The following KIR2DL3 variants were observed in gnomAD, a reference collection of about 807,000 sequenced individuals.
KIR2DL3 encodes the protein killer cell immunoglobulin like receptor, two Ig domains and long cytoplasmic tail 3, also known as killer cell immunoglobulin-like receptor 2DL3.
A neutral mutation model predicts 33.8 loss-of-function variants in KIR2DL3; 39 were observed. The ratio of observed to expected loss-of-function variants is 1.15; its 90% CI spans 0.89 to 1.51. KIR2DL3 has a LOEUF of 1.51. Ranked by LOEUF, KIR2DL3 falls within the 40% of genes most tolerant of loss-of-function variation. KIR2DL3 has a pLI of 0.00. For missense variants in KIR2DL3, 462 were observed against 426.2 expected (o/e 1.08, Z -0.74); for synonymous variants, 174 against 160.2 (o/e 1.09, Z -0.65).
chr19:54,743,951 A>G lies in KIR2DL3; in HGVS notation c.527A>G (p.Lys176Arg). ...GAACGTAGGTTCTCTGCAGGGCCCA[A>G]GGTCAACGGAACATTCCAGGCCGAC... ...AHERRFSAGP[K>R]VNGTFQADFP... is the part of the protein sequence containing the mutation. Residue 176 changes from lysine (K) to arginine (R), a missense_variant, in exon 4 of 8, where the codon AAG (lysine) becomes AGG (arginine). Transcript: ENST00000342376. The G allele has an allele frequency of 6.2e-7, 1 of 1,614,064 alleles. No homozygotes were observed. Among genetic ancestry groups the G allele is most frequent in the East Asian group, 2.2e-5 (1 of 44,898 alleles).
Position 54,743,800 on chromosome 19 carries a change from T to C in KIR2DL3, c.376T>C (p.Tyr126His), listed in dbSNP as rs2071658947. The change falls in exon 4 of 8, where the codon TAT becomes CAT. Residue 126 changes from tyrosine to histidine, a missense_variant. Transcript: ENST00000342376. ...DPLDIVITGL[Y>H]EKPSLSAQPG... Reference sequence around the variant, plus strand: ...AAATGCCTCTTCTCCTCCAGGTCTATATGAGAAACCTTCTCTCTCAGCCCA... The same window carrying C: ...AAATGCCTCTTCTCCTCCAGGTCTACATGAGAAACCTTCTCTCTCAGCCCA... 2 of 1,602,184 alleles carry C rather than the reference T, an allele frequency of 1.2e-6. No homozygotes were observed. The highest frequency in any genetic ancestry group is 1.7e-5 in the Admixed American group (1 of 58,152).
At chr19:54,750,684 C>T (rs905480913) in intron 5 of KIR2DL3, among the ~76,000 whole-genome samples, 15 of 137,878 alleles carry the variant, frequency 1.1e-4, no homozygotes, top group Non-Finnish European at 2.1e-4. Context: ...ATTCCTATCA[C>T]TCACCGTCAC....
chr19:54,746,561 A>G (rs2072519039), intron 4 of KIR2DL3, among the ~76,000 whole-genome samples: 1 of 145,998 alleles, frequency 6.8e-6, no homozygotes, highest in African/African-American at 2.5e-5. Context: ...TTTTCATTTG[A>G]GTTTTGTGTA....
At chr19:54,744,895 T>C (rs1480315099) in intron 4 of KIR2DL3, among the ~76,000 whole-genome samples, 16 of 64,600 alleles carry the variant, frequency 2.5e-4, no homozygotes, top group African/African-American at 3.9e-4. Context: ...TATATATATA[T>C]ATACACACAC....
intron 5 of KIR2DL3, among the ~76,000 whole-genome samples, chr19:54,749,361 C>T (rs1449040064): frequency 1.4e-5 from 2 of 140,558 alleles, no homozygotes; most frequent in Non-Finnish European, 1.6e-5. Flanking sequence ...AAGGCAATTG[C>T]CACCCCACTG....
chr19:54,752,478 G>T lies in KIR2DL3; in HGVS notation c.985G>T (p.Asp329Tyr), dbSNP rs751418430. 2 of 1,465,710 alleles carry T rather than the reference G, an allele frequency of 1.4e-6. No homozygotes were observed. Among genetic ancestry groups the T allele is most frequent in the South Asian group, 1.3e-5 (1 of 76,302 alleles). The allele number at this position is 1,465,710 out of a possible 1,614,324, so 90.8% of individuals were successfully genotyped here. A position where few individuals can be genotyped will look rare whatever the true frequency, so the allele number is the denominator to read the frequency against. The change falls in exon 8 of 8, where the codon GAT (aspartate) becomes TAT (tyrosine). Residue 329 changes from aspartate (D) to tyrosine (Y), a missense_variant. Coordinates refer to ENST00000342376, the MANE Select transcript of KIR2DL3 (RefSeq NM_015868.3). ...TCAGAGGCCCAAGACACCCCCAACA[G>T]ATATCATCGTGTACACGGAACTTCC... is the stretch of plus-strand genomic sequence containing the variant. ...PSQRPKTPPT[D>Y]IIVYTELPNA... is the part of the protein sequence containing the mutation.
chr19:54,751,136 G>A lies in KIR2DL3; in HGVS notation c.716-513G>A, dbSNP rs1174763610. Among the ~76,000 whole-genome samples the A allele has an allele frequency of 1.5e-5, 2 of 132,116 alleles. 1 individual carries two copies. The allele number at this position is 132,116 out of a possible 152,430, so 86.7% of individuals were successfully genotyped here. A position where few individuals can be genotyped will look rare whatever the true frequency, so the allele number is the denominator to read the frequency against. ...AGCGTGGCACCAGCATCTATTTCTC[G>A]TGACGGCCTCAGGCTGCTCCCACTC... On this transcript the variant is annotated intron_variant, in intron 5 of 7. Transcript: ENST00000342376.
At chr19:54,746,657 C>A (rs1475543800) in intron 4 of KIR2DL3, among the ~76,000 whole-genome samples, 1 of 149,154 alleles carries the variant, frequency 6.7e-6, no homozygotes, top group Non-Finnish European at 1.5e-5. Flanking sequence ...ACTGTCCTTT[C>A]CTGATTGTGA....
At position 54,751,834 on chromosome 19, in the gene KIR2DL3, A is replaced by G; in HGVS notation, c.820+81A>G. ...GGGAGCACTCAGGTGTGTGTTCCTC[A>G]CAGACAGGATGGTCCCTGGCCCAAG... is the stretch of plus-strand genomic sequence containing the variant. On this transcript the variant is annotated intron_variant, in intron 6 of 7. Transcript: ENST00000342376. 2.5e-6 allele frequency: 3 copies of G among 1,179,880 alleles called. 1 individual carries two copies. The highest frequency in any genetic ancestry group is 3.6e-6 in the Non-Finnish European group (3 of 833,282). The allele number at this position is 1,179,880 out of a possible 1,614,324, so 73.1% of individuals were successfully genotyped here.
chr19:54,746,819 C>T (rs769854573), intron 4 of KIR2DL3, among the ~76,000 whole-genome samples: 4 of 148,084 alleles, frequency 2.7e-5, no homozygotes, highest in Non-Finnish European at 6.0e-5. Context: ...ATTGTCTCCA[C>T]TAAAAATATA....
At chr19:54,745,731 C>T (rs964560503) in intron 4 of KIR2DL3, among the ~76,000 whole-genome samples, 59 of 151,740 alleles carry the variant, frequency 3.9e-4, no homozygotes, top group African/African-American at 1.4e-3. Flanking sequence ...ACACTCCTAC[C>T]AACAGGGTAT....
At position 54,747,219 on chromosome 19, in the gene KIR2DL3, T is replaced by C; in HGVS notation, c.665-116T>C. The C allele has an allele frequency of 6.3e-6, 8 of 1,279,608 alleles. No individual in the cohort carries two copies. The South Asian group carries it at 9.9e-5, about 16-fold the overall frequency. 79.3% of individuals were successfully genotyped at this position (1,279,608 alleles called of 1,614,324 possible). ...ATTACGGAAAAAAGGATCCCAGGACTCCCAGGGCCCAATATTAGATAACAG... is the reference window on the plus strand; with the variant it reads ...ATTACGGAAAAAAGGATCCCAGGACCCCCAGGGCCCAATATTAGATAACAG... On this transcript the variant is annotated intron_variant, in intron 4 of 7. Coordinates refer to ENST00000342376, the MANE Select transcript of KIR2DL3 (RefSeq NM_015868.3).
At chr19:54,740,855 T>A (rs369292945) in intron 2 of KIR2DL3, among the ~76,000 whole-genome samples, 2 of 150,714 alleles carry the variant, frequency 1.3e-5, no homozygotes, top group Non-Finnish European at 1.5e-5. Context: ...AGGGTGCACA[T>A]GAAAGGAGGA....
chr19:54,752,198 G>C lies in KIR2DL3; in HGVS notation c.821-18G>C. ...GAAGTGCCCTCTGAGCTGTTTTGTT[G>C]ACTTCCGTCTTCTACAGATGCTGTT... On this transcript the variant is annotated intron_variant, in intron 6 of 7. Coordinates refer to ENST00000342376, the MANE Select transcript of KIR2DL3 (RefSeq NM_015868.3). The C allele has an allele frequency of 6.8e-7, 1 of 1,460,666 alleles. No individual in the cohort carries two copies. Among genetic ancestry groups the C allele is most frequent in the Non-Finnish European group, 9.3e-7 (1 of 1,075,148 alleles). The allele number at this position is 1,460,666 out of a possible 1,614,324, so 90.5% of individuals were successfully genotyped here.
intron 2 of KIR2DL3, among the ~76,000 whole-genome samples, chr19:54,741,080 G>C (rs2070996430): frequency 6.6e-6 from 1 of 151,716 alleles, no homozygotes; most frequent in African/African-American, 2.4e-5. Flanking sequence ...AGTACTGGAA[G>C]GTGTCAGTGT....
At position 54,745,815 on chromosome 19, in the gene KIR2DL3, A is replaced by C. The variant is rs1380275033; in HGVS notation, c.665-1520A>C. Reference sequence around the variant, plus strand: ...TTGCAGCTAAAAGCCATTTTATTTTATTTCATTTTATTTTGAGATGGAGTT... The same window carrying C: ...TTGCAGCTAAAAGCCATTTTATTTTCTTTCATTTTATTTTGAGATGGAGTT... On this transcript the variant is annotated intron_variant, in intron 4 of 7. Transcript: ENST00000342376. Among the ~76,000 whole-genome samples, 27 of 144,172 alleles carry C rather than the reference A, an allele frequency of 1.9e-4. No homozygotes were observed. In the South Asian group the frequency reaches 6.2e-3, roughly 33 times the overall value. The allele number at this position is 144,172 out of a possible 152,430, so 94.6% of individuals were successfully genotyped here.
chr19:54,747,730 T>G (rs1399305947), intron 5 of KIR2DL3, among the ~76,000 whole-genome samples: 2 of 152,164 alleles, frequency 1.3e-5, no homozygotes, highest in Admixed American at 6.5e-5. Flanking sequence ...GAACATCTGA[T>G]GAGGGCGAGG....
At chr19:54,742,809 T>A (rs1461515177) in intron 3 of KIR2DL3, among the ~76,000 whole-genome samples, 2 of 151,258 alleles carry the variant, frequency 1.3e-5, no homozygotes, top group South Asian at 4.2e-4. Flanking sequence ...CTGTGTGAAC[T>A]TGTGGTCTCC....
At position 54,751,362 on chromosome 19, in the gene KIR2DL3, C is replaced by T. The variant is rs1219546207; in HGVS notation, c.716-287C>T. ...GTTCATGATGGATCCACCTCCATGA[C>T]CCAAACACCTCTCAAGAGGCCCAAC... On this transcript the variant is annotated intron_variant, in intron 5 of 7. Coordinates refer to ENST00000342376, the MANE Select transcript of KIR2DL3 (RefSeq NM_015868.3). 2.3e-5 allele frequency among the ~76,000 whole-genome samples: 3 copies of T among 132,664 alleles called. 1 individual carries two copies. The highest frequency in any genetic ancestry group is 8.6e-5 in the African/African-American group (3 of 34,848). The allele number at this position is 132,664 out of a possible 152,430, so 87.0% of individuals were successfully genotyped here. A position where few individuals can be genotyped will look rare whatever the true frequency, so the allele number is the denominator to read the frequency against.
Sources: gnomAD v4.1 joint callset for allele counts (sites outside exome capture counted in the v4.1 genomes callset) on GRCh38, gnomAD v4.1.1 for gene constraint, MANE v1.5 for transcripts, NCBI Gene and HGNC (gene_info 2026-07-23, HGNC 2026-07-21) for gene names.